CDK4: variants seen among roughly 807,000 people sequenced by gnomAD.
CDK4 encodes the protein cyclin dependent kinase 4.
In CDK4, 13 loss-of-function variants were observed where a neutral mutation model predicts 36.7. The ratio of observed to expected loss-of-function variants is 0.35; its 90% confidence interval spans 0.23 to 0.56. The LOEUF is 0.56. Among genes scored for constraint, CDK4 ranks in the 20% least tolerant of loss-of-function variants. The pLI is 0.85. For synonymous variants in CDK4, 158 were observed against 146.4 expected (o/e 1.08, Z -0.57); for missense variants, 285 against 387.3 (o/e 0.74, Z 2.22).
At chr12:57,749,006 A>G in intron 7 of CDK4, 176 bp downstream of exon 7, 2 of 839,244 alleles carry the variant, frequency 2.4e-6, no homozygotes, top group Non-Finnish European at 3.8e-6. Context: ...GTGCCCAGCC[A>G]GGATGGGTTC....
intron 6 of CDK4, 55 bp from the exon 7 acceptor site, chr12:57,749,372 G>C (rs2140383436): frequency 6.2e-7 from 1 of 1,613,600 alleles, no homozygotes; most frequent in Non-Finnish European, 8.5e-7. Context: ...CCATCCCCAT[G>C]GGCAGAGCCA....
In CDK4 at chr12:57,748,004, C is replaced by T. The variant is rs113625101; in HGVS notation, c.*521G>A. 7,891 of 224,196 alleles carry T rather than the reference C, an allele frequency of 0.035. 194 individuals are homozygous for T. The highest frequency in any genetic ancestry group is 0.087 in the Middle Eastern group (58 of 666). The allele number at this position is 224,196 out of a possible 1,614,324, so 13.9% of individuals were successfully genotyped here. On this transcript the variant is annotated 3_prime_UTR_variant, in exon 8 of 8. Coordinates refer to ENST00000257904, the MANE Select transcript of CDK4 (RefSeq NM_000075.4). ...TGATCCACCCGCGTTGGCCTCCCAA[C>T]GTGCTGGGATTATAGGCGTGAGCCA... is the stretch of plus-strand genomic sequence containing the variant.
Position 57,749,755 on chromosome 12 carries a change from T to C in CDK4, c.633-251A>G, listed in dbSNP as rs1172189755. 5.5e-6 allele frequency: 3 copies of C among 542,592 alleles called. No homozygotes were observed. The African/African-American group carries it at 5.7e-5, about 10-fold the overall frequency. The allele number at this position is 542,592 out of a possible 1,614,324, so 33.6% of individuals were successfully genotyped here. A position where few individuals can be genotyped will look rare whatever the true frequency, so the allele number is the denominator to read the frequency against. ...GGCTCACGCCTGTAATCCTAGCACTTTGGGAGTCTGATGTGGGTGGATCAT... is the reference window on the plus strand; with the variant it reads ...GGCTCACGCCTGTAATCCTAGCACTCTGGGAGTCTGATGTGGGTGGATCAT... On this transcript the variant is annotated intron_variant, in intron 5 of 7. Transcript: ENST00000257904.
intron 7 of CDK4, 27 bp downstream of exon 7, chr12:57,749,155 C>G (rs755982167): frequency 2.5e-6 from 4 of 1,613,844 alleles, no homozygotes; most frequent in Non-Finnish European, 3.4e-6. Context: ...CTATTTCTTT[C>G]CCTGTGCCCA....
At chr12:57,749,039 G>A (rs1051325005) in intron 7 of CDK4, 143 bp downstream of exon 7, 10 of 1,038,172 alleles carry the variant, frequency 9.6e-6, no homozygotes, top group African/African-American at 1.6e-5. Flanking sequence ...TTCTCTGTGG[G>A]TGGCTATTTG....
At chr12:57,750,852 T>G in intron 4 of CDK4, 71 bp downstream of exon 4, 1 of 1,597,026 alleles carries the variant, frequency 6.3e-7, no homozygotes, top group Non-Finnish European at 8.6e-7. Context: ...GCACATGACT[T>G]CTCAATTGCT....
At position 57,748,534 on chromosome 12, in the gene CDK4, A is replaced by G; in HGVS notation, c.903T>C (p.Asn301=). ...QHSYLHKDEG[N]PE The stretch of plus-strand genomic sequence containing the variant: ...GCAGCCACTCCATTGCTCACTCCGG[A>G]TTACCTTCATCCTTATGTAGATAAG... Residue 301 remains asparagine, a synonymous_variant, in exon 8 of 8, where the codon AAT becomes AAC. Transcript: ENST00000257904. The G allele has an allele frequency of 6.2e-7, 1 of 1,611,852 alleles. No homozygotes were observed. The highest frequency in any genetic ancestry group is 8.5e-7 in the Non-Finnish European group (1 of 1,178,044).
rs1378433780 is a variant in CDK4, at chr12:57,751,743, TCA to T, written c.-19-9_-19-8del. The T allele has an allele frequency of 3.7e-6, 6 of 1,605,632 alleles. No individual in the cohort carries two copies. Among genetic ancestry groups the T allele is most frequent in the Non-Finnish European group, 5.1e-6 (6 of 1,173,062 alleles). On this transcript the variant is annotated splice_polypyrimidine_tract_variant and splice_region_variant and intron_variant, in intron 1 of 7. Transcript: ENST00000257904. The surrounding 1 kb of genome is among the most constrained non-coding windows in gnomAD (Gnocchi z 4.5). Reference sequence around the variant, plus strand: ...TCTCAGATCAAGGGAGACCCTACAATCACAGACTCCTATCACCAAAAGTCGCT... The same window carrying T: ...TCTCAGATCAAGGGAGACCCTACAATCAGACTCCTATCACCAAAAGTCGCT...
Position 57,751,359 on chromosome 12 carries a change from C to T in CDK4, c.219-17G>A, listed in dbSNP as rs767249235. Reference sequence around the variant, plus strand: ...TCCATCAGCCTGACCAGAGTAAATGCTCACTTTTCAATCCCCTTTAACCCA... The same window carrying T: ...TCCATCAGCCTGACCAGAGTAAATGTTCACTTTTCAATCCCCTTTAACCCA... On this transcript the variant is annotated splice_polypyrimidine_tract_variant and intron_variant, in intron 2 of 7. Transcript: ENST00000257904. This position sits in a 1 kb window ranked among gnomAD's most constrained non-coding sequence, Gnocchi z 4.5. 2.5e-5 allele frequency: 40 copies of T among 1,614,016 alleles called. 2 individuals carry two copies. The South Asian group carries it at 4.3e-4, about 17-fold the overall frequency.
Position 57,749,549 on chromosome 12 carries a change from T to C in CDK4, c.633-45A>G, listed in dbSNP as rs371444475. The C allele has an allele frequency of 9.6e-5, 152 of 1,577,816 alleles. No homozygotes were observed. In the African/African-American group the frequency reaches 1.7e-3, roughly 18 times the overall value. On this transcript the variant is annotated intron_variant, in intron 5 of 7. Coordinates refer to ENST00000257904, the MANE Select transcript of CDK4 (RefSeq NM_000075.4). ...AAGGTAGCAGTCATTTTCAAAGATA[T>C]CTTAGTTGAATGGTTACTGCTTAGT...
chr12:57,748,795 T>C, intron 7 of CDK4, 178 bp from the exon 8 acceptor site: 1 of 591,808 alleles, frequency 1.7e-6, no homozygotes, highest in Non-Finnish European at 3.0e-6. Context: ...AACCTCCGCC[T>C]CCTGAGTTGA....
intron 7 of CDK4, 125 bp downstream of exon 7, chr12:57,749,057 A>G: frequency 8.1e-7 from 1 of 1,233,146 alleles, no homozygotes; most frequent in Non-Finnish European, 1.2e-6. Context: ...TTGCAGCTGT[A>G]ATAAAAACTA....
chr12:57,747,857 C>T lies in CDK4; in HGVS notation c.*668G>A, dbSNP rs1955177585. On this transcript the variant is annotated 3_prime_UTR_variant, in exon 8 of 8. Coordinates refer to ENST00000257904, the MANE Select transcript of CDK4 (RefSeq NM_000075.4). ...TCCCGGGTTCAAGCGATCCTCCTGCCTCAGTCTCCCAAGTAGCTGGGATTA... is the reference window on the plus strand; with the variant it reads ...TCCCGGGTTCAAGCGATCCTCCTGCTTCAGTCTCCCAAGTAGCTGGGATTA... 5.7e-6 allele frequency: 1 copy of T among 175,230 alleles called. No homozygotes were observed. The highest frequency in any genetic ancestry group is 1.8e-4 in the South Asian group (1 of 5,462). 10.9% of individuals were successfully genotyped at this position (175,230 alleles called of 1,614,324 possible).
At chr12:57,748,985 C>T (rs1465154908) in intron 7 of CDK4, 197 bp downstream of exon 7, 19 of 702,042 alleles carry the variant, frequency 2.7e-5, no homozygotes, top group Admixed American at 7.6e-5. Flanking sequence ...GGATTACAGG[C>T]GTGAGCCACC....
rs1955245976 is a variant in CDK4 at position 57,752,268 on chromosome 12, A to T, written c.-113T>A. ...CATACACCCGAGCTCGGTCCGGAGC[A>T]GCTGGACGCAGAGGGCCCGACCATA... On this transcript the variant is annotated 5_prime_UTR_variant, in exon 1 of 8. Coordinates refer to ENST00000257904, the MANE Select transcript of CDK4 (RefSeq NM_000075.4). The T allele has an allele frequency of 5.0e-6, 1 of 200,246 alleles. No individual in the cohort carries two copies. Among genetic ancestry groups the T allele is most frequent in the African/African-American group, 2.3e-5 (1 of 42,564 alleles). 12.4% of individuals were successfully genotyped at this position (200,246 alleles called of 1,614,324 possible).
chr12:57,751,043 A>G lies in CDK4; in HGVS notation c.402T>C (p.Asn134=), dbSNP rs537039467. ...FLRGLDFLHA[N]CIVHRDLKPE... ...GCTTCAGATCTCGGTGAACGATGCAATTGGCATGAAGGAAATCTAGGCCTC... is the reference window on the plus strand; with the variant it reads ...GCTTCAGATCTCGGTGAACGATGCAGTTGGCATGAAGGAAATCTAGGCCTC... The change falls in exon 4 of 8, where the codon AAT becomes AAC. Residue 134 remains asparagine (N), a synonymous_variant. Coordinates refer to ENST00000257904, the MANE Select transcript of CDK4 (RefSeq NM_000075.4). The surrounding 1 kb of genome is among the most constrained non-coding windows in gnomAD (Gnocchi z 4.5). 3.1e-6 allele frequency: 5 copies of G among 1,614,050 alleles called. No individual in the cohort carries two copies. The highest frequency in any genetic ancestry group is 2.7e-5 in the African/African-American group (2 of 74,994).
chr12:57,751,953 T>G lies in CDK4; in HGVS notation c.-19-217A>C, dbSNP rs1955242823. ...AGGCCCTGCAATAGAAAACGCTTTT[T>G]CCTTTGGGACAATCGCGCCCCGCAC... is the stretch of plus-strand genomic sequence containing the variant. On this transcript the variant is annotated intron_variant, in intron 1 of 7. Coordinates refer to ENST00000257904, the MANE Select transcript of CDK4 (RefSeq NM_000075.4). The surrounding 1 kb of genome is among the most constrained non-coding windows in gnomAD (Gnocchi z 4.5). 1 of 579,554 alleles carries G rather than the reference T, an allele frequency of 1.7e-6. No homozygotes were observed. Among genetic ancestry groups the G allele is most frequent in the African/African-American group, 1.9e-5 (1 of 53,414 alleles). The allele number at this position is 579,554 out of a possible 1,614,324, so 35.9% of individuals were successfully genotyped here.
At chr12:57,749,610 C>T (rs1955208174) in intron 5 of CDK4, 106 bp from the exon 6 acceptor site, 1 of 1,087,486 alleles carries the variant, frequency 9.2e-7, no homozygotes, top group East Asian at 2.5e-5. Flanking sequence ...TAAAGGCCAA[C>T]AATTCCAGCA....
chr12:57,751,925 G>T lies in CDK4; in HGVS notation c.-19-189C>A. On this transcript the variant is annotated intron_variant, in intron 1 of 7. Coordinates refer to ENST00000257904, the MANE Select transcript of CDK4 (RefSeq NM_000075.4). The surrounding 1 kb of genome is among the most constrained non-coding windows in gnomAD (Gnocchi z 4.5). The stretch of plus-strand genomic sequence containing the variant: ...ACTCAATACCAACCCCTCCAGCCAC[G>T]TGAGGCCCTGCAATAGAAAACGCTT... 1.6e-6 allele frequency: 1 copy of T among 608,192 alleles called. No homozygotes were observed. Among genetic ancestry groups the T allele is most frequent in the Non-Finnish European group, 2.9e-6 (1 of 343,324 alleles). 37.7% of individuals were successfully genotyped at this position (608,192 alleles called of 1,614,324 possible).
Sources: allele counts gnomAD v4.1 joint callset, GRCh38; gene constraint gnomAD v4.1.1; non-coding constraint Gnocchi (gnomAD v3.1); transcripts MANE v1.5; gene names NCBI Gene and HGNC (gene_info 2026-07-23, HGNC 2026-07-21).